The following REC114 variants were observed in gnomAD, a reference collection of about 807,000 sequenced individuals.
REC114 encodes meiotic recombination protein REC114.
REC114 carries 27 observed loss-of-function variants against 31.3 expected under a neutral mutation model. The observed-to-expected ratio is 0.86, with a 90% confidence interval of 0.64 to 1.19. REC114 has a LOEUF of 1.19. Among genes scored for constraint, REC114 ranks in the 50% most tolerant of loss-of-function variants. The pLI is 0.00. For missense variants in REC114, 344 were observed against 326.9 expected (o/e 1.05, Z -0.40); for synonymous variants, 134 against 127.7 (o/e 1.05, Z -0.33).
chr15:73,540,390 A>G, intron 2 of REC114, 95 bp from the exon 3 acceptor site: 1 of 923,668 alleles, frequency 1.1e-6, no homozygotes, highest in Non-Finnish European at 1.8e-6. Flanking sequence ...TACACAATAA[A>G]CAAATATACA....
chr15:73,557,416 A>C (rs1276395054), intron 5 of REC114, among the ~76,000 whole-genome samples: 2 of 134,606 alleles, frequency 1.5e-5, no homozygotes, highest in Non-Finnish European at 1.6e-5. Flanking sequence ...CAGTAGTTTA[A>C]AAAAAAAAAA....
intron 3 of REC114, among the ~76,000 whole-genome samples, chr15:73,541,499 G>A (rs1254872889): frequency 6.6e-6 from 1 of 151,906 alleles, no homozygotes; most frequent in Non-Finnish European, 1.5e-5. Context: ...CCTTAATATT[G>A]TAATAAACTA....
At chr15:73,502,584 TTG>T (rs1893617546) in intron 2 of REC114, among the ~76,000 whole-genome samples, 3 of 152,278 alleles carry the variant, frequency 2.0e-5, no homozygotes, top group African/African-American at 7.2e-5. Context: ...AAGGTCTTCA[TTG>T]TCATCATCTT....
intron 1 of REC114, among the ~76,000 whole-genome samples, chr15:73,464,693 T>C (rs372089139): frequency 6.6e-6 from 1 of 152,232 alleles, no homozygotes; most frequent in East Asian, 1.9e-4. Context: ...CATAGTCTGG[T>C]CTGCCCATCT....
intron 4 of REC114, among the ~76,000 whole-genome samples, chr15:73,555,737 T>C (rs1894457500): frequency 6.6e-6 from 1 of 151,210 alleles, no homozygotes; most frequent in South Asian, 2.2e-4. Context: ...AGAAGATATC[T>C]GTAAGTTTTA....
At chr15:73,451,546 A>G (rs1892848844) in intron 1 of REC114, among the ~76,000 whole-genome samples, 1 of 152,252 alleles carries the variant, frequency 6.6e-6, no homozygotes, top group African/African-American at 2.4e-5. Context: ...GAATTATACT[A>G]GAGGTACAAA....
intron 2 of REC114, among the ~76,000 whole-genome samples, chr15:73,522,040 C>T (rs1246591081): frequency 6.6e-6 from 1 of 152,150 alleles, no homozygotes; most frequent in African/African-American, 2.4e-5. Context: ...TGTTTCACCA[C>T]ATTGACAGGA....
At chr15:73,480,332 A>G in intron 2 of REC114, among the ~76,000 whole-genome samples, 1 of 151,692 alleles carries the variant, frequency 6.6e-6, no homozygotes, top group Middle Eastern at 3.4e-3. Context: ...TAATAAATAA[A>G]TTATTTAAAT....
chr15:73,517,326 A>G (rs1186584653), intron 2 of REC114, among the ~76,000 whole-genome samples: 2 of 152,202 alleles, frequency 1.3e-5, no homozygotes, highest in Non-Finnish European at 2.9e-5. Context: ...AACAAAGAAA[A>G]AAAATTTTTT....
At chr15:73,496,217 T>C (rs1434455236) in intron 2 of REC114, among the ~76,000 whole-genome samples, 1 of 151,204 alleles carries the variant, frequency 6.6e-6, no homozygotes, top group Non-Finnish European at 1.5e-5. Flanking sequence ...TTGAGTGTGG[T>C]GGTGAACGTC....
chr15:73,546,858 T>C (rs957052862), intron 3 of REC114, among the ~76,000 whole-genome samples: 1 of 149,682 alleles, frequency 6.7e-6, no homozygotes, highest in African/African-American at 2.4e-5. Context: ...CTGATATCTA[T>C]GTGCAGAAGG....
At chr15:73,557,725 C>T (rs528552370) in intron 5 of REC114, among the ~76,000 whole-genome samples, 3 of 152,276 alleles carry the variant, frequency 2.0e-5, no homozygotes, top group African/African-American at 4.8e-5. Context: ...CTAGAAAAGG[C>T]ATACCTTTGC....
intron 2 of REC114, among the ~76,000 whole-genome samples, chr15:73,481,234 T>A (rs1025767824): frequency 6.6e-6 from 1 of 152,116 alleles, no homozygotes. Context: ...TGGGAAGTTA[T>A]TTAAATTTAA....
At chr15:73,548,000 T>C (rs1595882806) in intron 3 of REC114, among the ~76,000 whole-genome samples, 1 of 152,254 alleles carries the variant, frequency 6.6e-6, no homozygotes, top group Non-Finnish European at 1.5e-5. Context: ...TAGGAGAACA[T>C]TTTTGCAAAC....
chr15:73,490,855 C>T (rs1893432035), intron 2 of REC114, among the ~76,000 whole-genome samples: 1 of 152,146 alleles, frequency 6.6e-6, no homozygotes, highest in Non-Finnish European at 1.5e-5. Context: ...ACCTTCATCC[C>T]CAGAGAACTA....
chr15:73,532,296 C>A (rs1894097066), intron 2 of REC114, among the ~76,000 whole-genome samples: 1 of 148,206 alleles, frequency 6.7e-6, no homozygotes, highest in Admixed American at 6.8e-5. Context: ...CATCCATGTC[C>A]CTACAAAGGA....
At chr15:73,523,726 T>A (rs1893968414) in intron 2 of REC114, among the ~76,000 whole-genome samples, 1 of 152,334 alleles carries the variant, frequency 6.6e-6, no homozygotes, top group Middle Eastern at 3.4e-3. Context: ...ATGAAATGTT[T>A]CTTTTATGGT....
chr15:73,496,677 CGTAGTATAAGGAAT>C (rs1475211922), intron 2 of REC114, among the ~76,000 whole-genome samples: 1 of 149,984 alleles, frequency 6.7e-6, no homozygotes, highest in East Asian at 1.9e-4. Context: ...AAATTGCAAA[CGTAGTATAAGGAAT>C]GTGTTTATAC....
At chr15:73,529,461 A>G (rs1011955871) in intron 2 of REC114, among the ~76,000 whole-genome samples, 1 of 152,098 alleles carries the variant, frequency 6.6e-6, no homozygotes, top group Admixed American at 6.6e-5. Context: ...TTAGAGATAG[A>G]TTCTGAAATA....
Sources: allele counts gnomAD v4.1 joint callset (sites outside exome capture counted in the v4.1 genomes callset), GRCh38; gene constraint gnomAD v4.1.1; transcripts MANE v1.5; gene names NCBI Gene and HGNC (gene_info 2026-07-23, HGNC 2026-07-21).